The following TULP3 variants were observed in gnomAD, a reference collection of about 807,000 sequenced individuals.
TULP3 encodes the protein tubby-related protein 3.
TULP3 carries 38 observed loss-of-function variants against 50.7 expected under a neutral mutation model. The observed-to-expected ratio is 0.75, with a 90% CI of 0.58 to 0.98. The LOEUF (loss-of-function observed/expected upper bound fraction) is 0.98. Among genes scored for constraint, TULP3 ranks in the 50% least tolerant of loss-of-function variants. TULP3 has a pLI of 0.00. For synonymous variants in TULP3, 183 were observed against 196.6 expected (o/e 0.93, Z 0.58); for missense variants, 550 against 568.0 (o/e 0.97, Z 0.32).
chr12:2,933,863 T>C (rs1435438071), intron 7 of TULP3, among the ~76,000 whole-genome samples: 1 of 152,032 alleles, frequency 6.6e-6, no homozygotes, highest in East Asian at 1.9e-4. Flanking sequence ...AGCACGAGAA[T>C]TGCTTGAATC....
intron 4 of TULP3, among the ~76,000 whole-genome samples, chr12:2,923,997 GAAGTA>G: frequency 6.6e-6 from 1 of 152,104 alleles, no homozygotes; most frequent in African/African-American, 2.4e-5. Flanking sequence ...AACAACAACA[GAAGTA>G]AAGTAAGAAA....
intron 1 of TULP3, among the ~76,000 whole-genome samples, chr12:2,908,053 A>G (rs10848733): frequency 0.48 from 72,674 of 152,002 alleles, 17,857 homozygotes; most frequent in African/African-American, 0.6. Flanking sequence ...GTGCCTCCCA[A>G]GTGATGAAGA....
intron 1 of TULP3, among the ~76,000 whole-genome samples, chr12:2,894,563 A>ACACACACACACGCACG (rs1233658787): frequency 1.4e-5 from 2 of 138,696 alleles, no homozygotes; most frequent in African/African-American, 5.3e-5. Context: ...ACACACACAC[A>ACACACACACACGCACG]CACGCACGCA....
intron 2 of TULP3, 98 bp from the exon 3 acceptor site, chr12:2,920,665 G>A (rs2098191137): frequency 2.0e-5 from 29 of 1,423,722 alleles, no homozygotes; most frequent in South Asian, 5.2e-5. Flanking sequence ...TTTACAAGAT[G>A]TTTTGTGAGG....
intron 2 of TULP3, among the ~76,000 whole-genome samples, chr12:2,911,608 G>A (rs544975824): frequency 2.2e-5 from 3 of 134,774 alleles, no homozygotes; most frequent in Non-Finnish European, 3.1e-5. Context: ...CTCATGATCC[G>A]CCCGCCTTAG....
At chr12:2,912,206 C>G (rs946953920) in intron 2 of TULP3, among the ~76,000 whole-genome samples, 1 of 152,184 alleles carries the variant, frequency 6.6e-6, no homozygotes, top group African/African-American at 2.4e-5. Flanking sequence ...AGGTAAAGTT[C>G]TTAAAGTCAG....
intron 2 of TULP3, among the ~76,000 whole-genome samples, chr12:2,914,371 G>A (rs746363865): frequency 3.9e-5 from 6 of 151,940 alleles, no homozygotes; most frequent in Non-Finnish European, 8.8e-5. Flanking sequence ...TGATCTGCTC[G>A]CCTCAGCCTC....
At chr12:2,930,205 T>A (rs933279227) in intron 4 of TULP3, 43 bp from the exon 5 acceptor site, 13 of 1,350,774 alleles carry the variant, frequency 9.6e-6, no homozygotes, top group Admixed American at 4.1e-5. Context: ...AGACCTTTTT[T>A]AAACAGTGTT....
In TULP3 at chr12:2,940,005, T is replaced by A. The variant is rs766940685; in HGVS notation, c.*561T>A. The A allele has an allele frequency of 7.8e-7, 1 of 1,285,844 alleles. No homozygotes were observed. Among genetic ancestry groups the A allele is most frequent in the South Asian group, 1.2e-5 (1 of 80,982 alleles). The allele number at this position is 1,285,844 out of a possible 1,614,324, so 79.7% of individuals were successfully genotyped here. ...GACTGACATCGCAGTTCCTCTCCTC[T>A]CTTCATTCCCTCACAGCAGATTGGC... On this transcript the variant is annotated 3_prime_UTR_variant, in exon 11 of 11. Coordinates refer to ENST00000448120, the MANE Select transcript of TULP3 (RefSeq NM_003324.5).
At chr12:2,937,168 G>A (rs917524350) in intron 8 of TULP3, among the ~76,000 whole-genome samples, 2 of 134,742 alleles carry the variant, frequency 1.5e-5, no homozygotes, top group Non-Finnish European at 3.1e-5. Flanking sequence ...TCTGTTTACA[G>A]CAAAGTAATA....
Position 2,933,546 on chromosome 12 carries a change from G to C in TULP3, c.809+16G>C, listed in dbSNP as rs139766963. 1.0e-4 allele frequency: 153 copies of C among 1,503,222 alleles called. 1 individual carries two copies. The East Asian group carries it at 3.4e-3, about 33-fold the overall frequency. The allele number at this position is 1,503,222 out of a possible 1,614,324, so 93.1% of individuals were successfully genotyped here. A position where few individuals can be genotyped will look rare whatever the true frequency, so the allele number is the denominator to read the frequency against. On this transcript the variant is annotated intron_variant, in intron 7 of 10. Coordinates refer to ENST00000448120, the MANE Select transcript of TULP3 (RefSeq NM_003324.5). ...GCAAGCTTAGGTGAAAGCAACCTTA[G>C]ATCACTGTCCTATTCTTTCTGATAG...
At position 2,940,322 on chromosome 12, in the gene TULP3, A is replaced by T. The variant is rs989747342; in HGVS notation, c.*878A>T. The T allele has an allele frequency of 5.6e-5, 9 of 161,444 alleles. No individual in the cohort carries two copies. Among genetic ancestry groups the T allele is most frequent in the South Asian group, 5.2e-4 (2 of 3,880 alleles). 10.0% of individuals were successfully genotyped at this position (161,444 alleles called of 1,614,324 possible). A position where few individuals can be genotyped will look rare whatever the true frequency, so the allele number is the denominator to read the frequency against. ...GCAGTATTGACCATTTAGTTTAGTT[A>T]AAAAAAAAAAAAAAAAGGTGGCAGG... is the stretch of plus-strand genomic sequence containing the variant. On this transcript the variant is annotated 3_prime_UTR_variant, in exon 11 of 11. Transcript: ENST00000448120.
chr12:2,930,065 A>G (rs2098197031), intron 4 of TULP3, among the ~76,000 whole-genome samples, 183 bp from the exon 5 acceptor site: 1 of 152,146 alleles, frequency 6.6e-6, no homozygotes, highest in South Asian at 2.1e-4. Flanking sequence ...CCCAGCCCCT[A>G]GTAACCTCTA....
At chr12:2,908,009 A>G (rs1389124441) in intron 1 of TULP3, among the ~76,000 whole-genome samples, 5 of 152,118 alleles carry the variant, frequency 3.3e-5, no homozygotes, top group South Asian at 2.1e-4. Flanking sequence ...GAAAATCACA[A>G]AGCACCTGCA....
Position 2,922,479 on chromosome 12 carries a change from T to C in TULP3, c.394+77T>C. 3 of 1,543,530 alleles carry C rather than the reference T, an allele frequency of 1.9e-6. No individual in the cohort carries two copies. In the South Asian group the frequency reaches 3.8e-5, roughly 20 times the overall value. On this transcript the variant is annotated intron_variant, in intron 4 of 10. Transcript: ENST00000448120. ...TCTTTTCCTTTCTTTTCATTGTGGG[T>C]AACAATCTACATGACTGAAAATGAC...
Position 2,931,070 on chromosome 12 carries a change from C to T in TULP3, c.526C>T (p.Gln176Ter), listed in dbSNP as rs763840266. ...CACTTCCGGTTCTGCTACTGCCGCCCAACCAGCTGATAACCTCCTGGGAGA... is the reference window on the plus strand; with the variant it reads ...CACTTCCGGTTCTGCTACTGCCGCCTAACCAGCTGATAACCTCCTGGGAGA... ...TGTSGSATAA[Q>*]PADNLLGDID... The change falls in exon 6 of 11, where the codon CAA becomes TAA. Residue 176 changes from glutamine (Q) to a stop codon, truncating the protein, a stop_gained. Transcript: ENST00000448120. LOFTEE classifies it high-confidence loss of function. 8.1e-6 allele frequency: 13 copies of T among 1,613,950 alleles called. No individual in the cohort carries two copies. Among genetic ancestry groups the T allele is most frequent in the Non-Finnish European group, 1.1e-5 (13 of 1,180,032 alleles).
chr12:2,930,956 C>T, intron 5 of TULP3, 81 bp from the exon 6 acceptor site: 1 of 1,477,024 alleles, frequency 6.8e-7, no homozygotes, highest in Non-Finnish European at 9.5e-7. Context: ...TACTAAGTTG[C>T]TTTGTCCACT....
rs1165310658 is a variant in TULP3, at chr12:2,934,600, G to A, written c.924+39G>A. ...TCCCAGGGCCGCTGCCTGCCCTCCT[G>A]GTGTCCTGCTGGCACTTTTCACCTA... is the stretch of plus-strand genomic sequence containing the variant. On this transcript the variant is annotated intron_variant, in intron 8 of 10. Transcript: ENST00000448120. The A allele has an allele frequency of 2.1e-6, 3 of 1,409,870 alleles. No homozygotes were observed. The Admixed American group carries it at 6.9e-5, about 33-fold the overall frequency. 87.3% of individuals were successfully genotyped at this position (1,409,870 alleles called of 1,614,324 possible). A position where few individuals can be genotyped will look rare whatever the true frequency, so the allele number is the denominator to read the frequency against.
rs557421403 is a variant in TULP3 at position 2,898,996 on chromosome 12, T to C, written c.41+8008T>C. 3.9e-5 allele frequency among the ~76,000 whole-genome samples: 6 copies of C among 152,298 alleles called. No individual in the cohort carries two copies. In the East Asian group the frequency reaches 9.7e-4, roughly 25 times the overall value. ...ACCTGGTTGGAATTTGAATTTAATA[T>C]AATTTTTACATGTCTCAAAATATTA... On this transcript the variant is annotated intron_variant, in intron 1 of 10. Transcript: ENST00000448120.
Sources: allele counts gnomAD v4.1 joint callset (sites outside exome capture counted in the v4.1 genomes callset), GRCh38; gene constraint gnomAD v4.1.1; transcripts MANE v1.5; gene names NCBI Gene and HGNC (gene_info 2026-07-23, HGNC 2026-07-21).